Variants in ITPR2 observed in about 807,000 individuals in gnomAD.
ITPR2 encodes the protein inositol 1,4,5-trisphosphate receptor type 2, also known as inositol 1,4,5-trisphosphate-gated calcium channel ITPR2.
A neutral mutation model predicts 317.1 loss-of-function variants in ITPR2; 207 were observed. That is an observed-to-expected ratio of 0.65 (90% CI 0.58 to 0.73). ITPR2 has a LOEUF of 0.73. ITPR2 is among the 30% of genes least tolerant of loss of function. The pLI is 0.00. For synonymous variants in ITPR2, 1,156 were observed against 1,149.1 expected (o/e 1.01, Z -0.12); for missense variants, 2,613 against 3,284.0 (o/e 0.80, Z 4.99).
chr12:26,458,568 C>T (rs1317976), intron 45 of ITPR2, among the ~76,000 whole-genome samples: 4 of 152,048 alleles, frequency 2.6e-5, no homozygotes, highest in East Asian at 1.9e-4. Flanking sequence ...ATGTTAAACA[C>T]GAGGGCGTCA....
chr12:26,648,666 T>C (rs1947170250), intron 21 of ITPR2: 1 of 152,132 alleles, frequency 6.6e-6, no homozygotes, highest in Admixed American at 6.5e-5. Flanking sequence ...AGAGCCAAGA[T>C]GATGATACAG....
intron 1 of ITPR2, among the ~76,000 whole-genome samples, chr12:26,830,324 A>T (rs1024591887): frequency 6.6e-6 from 1 of 152,284 alleles, no homozygotes; most frequent in African/African-American, 2.4e-5. Flanking sequence ...GCACAAATGC[A>T]TACTAAGGAA....
intron 39 of ITPR2, among the ~76,000 whole-genome samples, chr12:26,491,051 G>A (rs1194546689): frequency 2.6e-5 from 4 of 152,194 alleles, no homozygotes; most frequent in Non-Finnish European, 5.9e-5. Context: ...GAGGAAGGAT[G>A]GAGGAGGCAA....
Position 26,631,922 on chromosome 12 carries a change from C to T in ITPR2, c.2878G>A (p.Glu960Lys), listed in dbSNP as rs1565653349. The T allele has an allele frequency of 3.1e-6, 5 of 1,613,850 alleles. No individual in the cohort carries two copies. Among genetic ancestry groups the T allele is most frequent in the South Asian group, 1.1e-5 (1 of 91,074 alleles). ...IHPSKQGSPTEHEDVTVMDTK... is the reference protein window; with the variant it reads ...IHPSKQGSPTKHEDVTVMDTK... The stretch of plus-strand genomic sequence containing the variant: ...TCCATCACAGTCACATCCTCGTGCT[C>T]GGTGGGGCTCCCTTGCTTGCTCGGG... The change falls in exon 22 of 57, where the codon GAG (glutamate) becomes AAG (lysine). Residue 960 changes from glutamate (E) to lysine (K), a missense_variant. Physicochemically the swap from Glu to Lys is moderately conservative, Grantham distance 56. This residue lies in a region of ITPR2 where 817 missense variants were observed against 897.6 expected (regional missense o/e 0.91). Coordinates refer to ENST00000381340, the MANE Select transcript of ITPR2 (RefSeq NM_002223.4).
chr12:26,443,324 A>C (rs559635261), intron 46 of ITPR2, among the ~76,000 whole-genome samples: 1 of 151,658 alleles, frequency 6.6e-6, no homozygotes, highest in African/African-American at 2.4e-5. Flanking sequence ...TACAAAAAAA[A>C]ATTTTACATA....
At chr12:26,625,698 C>T (rs1285415508) in intron 23 of ITPR2, among the ~76,000 whole-genome samples, 2 of 152,098 alleles carry the variant, frequency 1.3e-5, no homozygotes, top group Non-Finnish European at 2.9e-5. Context: ...TACATATGCA[C>T]ATACTTACAT....
At chr12:26,381,598 C>T (rs73301060) in intron 55 of ITPR2, among the ~76,000 whole-genome samples, 1,798 of 152,288 alleles carry the variant, frequency 0.012, 41 homozygotes, top group African/African-American at 0.04. Context: ...ATTTTAGTTA[C>T]GACAGACAAT....
intron 10 of ITPR2, among the ~76,000 whole-genome samples, chr12:26,690,988 A>G (rs1948229863): frequency 6.6e-6 from 1 of 152,232 alleles, no homozygotes; most frequent in South Asian, 2.1e-4. Flanking sequence ...ACAATTGCTT[A>G]TGTGTGAATA....
chr12:26,349,441 G>T (rs1442070909), intron 55 of ITPR2, among the ~76,000 whole-genome samples: 1 of 152,218 alleles, frequency 6.6e-6, no homozygotes, highest in Non-Finnish European at 1.5e-5. Flanking sequence ...AATTTGAAAT[G>T]TGTTAGTTAC....
intron 55 of ITPR2, among the ~76,000 whole-genome samples, chr12:26,377,057 C>T (rs1442357051): frequency 6.6e-6 from 1 of 152,132 alleles, no homozygotes; most frequent in East Asian, 1.9e-4. Context: ...TGTAAGCACA[C>T]AAGGCCCTTT....
chr12:26,391,813 C>T (rs1360834242), intron 54 of ITPR2, among the ~76,000 whole-genome samples: 1 of 152,004 alleles, frequency 6.6e-6, no homozygotes, highest in African/African-American at 2.4e-5. Flanking sequence ...TATATGCTCG[C>T]CTCGGCCTCC....
Position 26,621,267 on chromosome 12 carries a change from T to C in ITPR2, c.3318A>G (p.Val1106=). The change falls in exon 26 of 57, where the codon GTA becomes GTG. Residue 1106 remains valine (V), a synonymous_variant. Transcript: ENST00000381340. ...CTGCCTTGATTTGCTTGTAGTTATCTACGTCTTGATTAGACACCAGTAATT... is the reference window on the plus strand; with the variant it reads ...CTGCCTTGATTTGCTTGTAGTTATCCACGTCTTGATTAGACACCAGTAATT... The part of the protein sequence containing the change: ...QVQLLVSNQD[V]DNYKQIKADL... 1 of 1,613,214 alleles carries C rather than the reference T, an allele frequency of 6.2e-7. No individual in the cohort carries two copies. The highest frequency in any genetic ancestry group is 8.5e-7 in the Non-Finnish European group (1 of 1,179,554).
intron 55 of ITPR2, among the ~76,000 whole-genome samples, chr12:26,382,802 A>G (rs1420549186): frequency 6.6e-6 from 1 of 152,256 alleles, no homozygotes; most frequent in African/African-American, 2.4e-5. Flanking sequence ...AACCCTTAGA[A>G]GCAATGTATT....
chr12:26,766,090 T>C (rs917173245), intron 2 of ITPR2, among the ~76,000 whole-genome samples: 2 of 152,204 alleles, frequency 1.3e-5, no homozygotes, highest in Non-Finnish European at 2.9e-5. Context: ...TTATGAACAA[T>C]GCTGCTATGA....
rs776205106 is a variant in ITPR2 at position 26,632,073 on chromosome 12, A to G, written c.2741-14T>C. ...TCACATTGTTTCCTGGCATGAGAAA[A>G]TGCCGTAAGTCAACACACACAACCC... On this transcript the variant is annotated splice_polypyrimidine_tract_variant and intron_variant, in intron 21 of 56. Coordinates refer to ENST00000381340, the MANE Select transcript of ITPR2 (RefSeq NM_002223.4). 6.6e-7 allele frequency: 1 copy of G among 1,523,372 alleles called. No individual in the cohort carries two copies. The highest frequency in any genetic ancestry group is 8.8e-7 in the Non-Finnish European group (1 of 1,136,628). The allele number at this position is 1,523,372 out of a possible 1,614,324, so 94.4% of individuals were successfully genotyped here.
intron 2 of ITPR2, among the ~76,000 whole-genome samples, chr12:26,758,279 T>C (rs978786403): frequency 3.9e-5 from 6 of 152,230 alleles, no homozygotes; most frequent in African/African-American, 1.4e-4. Flanking sequence ...TTCTAAGTTA[T>C]AAAAGATTAG....
rs1698302 is a variant in ITPR2 at position 26,433,768 on chromosome 12, T to C, written c.6769+2453A>G. 1.3e-4 allele frequency among the ~76,000 whole-genome samples: 20 copies of C among 151,992 alleles called. No individual in the cohort carries two copies. In the South Asian group the frequency reaches 2.3e-3, roughly 17 times the overall value. ...GGGTATCTATTTAGCTGGACTGAGGTAGAGGAAACAGAAAGATCTCATGAG... is the reference window on the plus strand; with the variant it reads ...GGGTATCTATTTAGCTGGACTGAGGCAGAGGAAACAGAAAGATCTCATGAG... On this transcript the variant is annotated intron_variant, in intron 48 of 56. Coordinates refer to ENST00000381340, the MANE Select transcript of ITPR2 (RefSeq NM_002223.4).
At chr12:26,652,790 T>G (rs1565667181) in intron 21 of ITPR2, among the ~76,000 whole-genome samples, 1 of 152,352 alleles carries the variant, frequency 6.6e-6, no homozygotes, top group Admixed American at 6.5e-5. Context: ...ATAACTGCAT[T>G]GCAGATGAGC....
At position 26,783,401 on chromosome 12, in the gene ITPR2, C is replaced by G. The variant is rs191472035; in HGVS notation, c.163+6756G>C. 4.7e-3 allele frequency among the ~76,000 whole-genome samples: 716 copies of G among 152,278 alleles called. 6 individuals carry two copies. The highest frequency in any genetic ancestry group is 0.016 in the African/African-American group (683 of 41,538). ...AGTGGCTGTCTTCTCTTCCCTCCAC[C>G]CTCCAGGAAATGGTCCCTGGGTTCT... On this transcript the variant is annotated intron_variant, in intron 2 of 56. Transcript: ENST00000381340.
Sources: gnomAD v4.1 joint callset for allele counts (sites outside exome capture counted in the v4.1 genomes callset) on GRCh38, gnomAD v4.1.1 for gene constraint, gnomAD v4.1.1 regional missense constraint, MANE v1.5 for transcripts, NCBI Gene and HGNC (gene_info 2026-07-23, HGNC 2026-07-21) for gene names.